Variants in KAZN observed in about 807,000 individuals in gnomAD.
The protein encoded by KAZN is kazrin, periplakin interacting protein, also known as kazrin.
Under a neutral mutation model 87.4 loss-of-function variants are expected in KAZN, and 40 were observed. That is an observed-to-expected ratio of 0.46 (90% CI 0.36 to 0.60). The LOEUF (loss-of-function observed/expected upper bound fraction) is 0.60, where lower values mean the gene tolerates loss of function less well. Ranked by LOEUF, KAZN falls within the 20% of genes least tolerant of loss-of-function variation. The pLI, the probability that KAZN is intolerant of heterozygous loss-of-function variation, is 0.00. For synonymous variants in KAZN, 466 were observed against 458.3 expected, an observed-to-expected ratio of 1.02 and a Z score of -0.22; for missense variants, 898 against 1,073.9, an observed-to-expected ratio of 0.84 and a Z score of 2.29.
intron 4 of KAZN, among the ~76,000 whole-genome samples, chr1:15,053,101 C>A (rs1674587551): frequency 6.6e-6 from 1 of 152,166 alleles, no homozygotes; most frequent in African/African-American, 2.4e-5. Context: ...GGCAGACCAG[C>A]CTGGGTGCTT....
chr1:13,917,658 G>T (rs1014248713), intron 1 of KAZN, among the ~76,000 whole-genome samples: 12 of 151,860 alleles, frequency 7.9e-5, no homozygotes, highest in Non-Finnish European at 1.8e-4. Flanking sequence ...AATTAGCTGG[G>T]TGTAGTGATG....
At chr1:14,582,799 A>G (rs1321279300) in intron 2 of KAZN, among the ~76,000 whole-genome samples, 2 of 152,234 alleles carry the variant, frequency 1.3e-5, no homozygotes, top group Admixed American at 6.5e-5. Context: ...ATGGATCTTT[A>G]TTATGTGAAG....
intron 2 of KAZN, among the ~76,000 whole-genome samples, chr1:14,542,677 T>C (rs1672885624): frequency 6.6e-6 from 1 of 152,176 alleles, no homozygotes; most frequent in Non-Finnish European, 1.5e-5. Context: ...TAGTATCGGA[T>C]AGGTAGCTTT....
At chr1:14,419,719 A>T (rs756177700) in intron 2 of KAZN, among the ~76,000 whole-genome samples, 1 of 151,992 alleles carries the variant, frequency 6.6e-6, no homozygotes, top group Non-Finnish European at 1.5e-5. Flanking sequence ...GTGAAGCCGC[A>T]GACCTCCGCG....
intron 2 of KAZN, among the ~76,000 whole-genome samples, chr1:14,535,083 A>G (rs2148486608): frequency 6.6e-6 from 1 of 151,816 alleles, no homozygotes; most frequent in Non-Finnish European, 1.5e-5. Flanking sequence ...CCTCTCTGGG[A>G]CTTCCCATTG....
chr1:14,147,148 AT>A (rs1300663644), intron 1 of KAZN, among the ~76,000 whole-genome samples: 15 of 152,206 alleles, frequency 9.9e-5, no homozygotes, highest in African/African-American at 3.6e-4. Flanking sequence ...ATAACACAAA[AT>A]ATGTGTTAAT....
intron 8 of KAZN, among the ~76,000 whole-genome samples, chr1:15,080,612 C>A (rs561505999): frequency 6.6e-6 from 1 of 152,364 alleles, no homozygotes; most frequent in East Asian, 1.9e-4. Context: ...AAAGCATCTA[C>A]ATCCAACAGG....
intron 1 of KAZN, among the ~76,000 whole-genome samples, chr1:14,914,534 A>G (rs773869307): frequency 2.6e-5 from 4 of 152,142 alleles, no homozygotes; most frequent in Non-Finnish European, 4.4e-5. Flanking sequence ...TCTAGGAGAG[A>G]TGGGCACTTT....
At chr1:14,266,952 A>G (rs1651526227) in intron 2 of KAZN, among the ~76,000 whole-genome samples, 1 of 151,946 alleles carries the variant, frequency 6.6e-6, no homozygotes, top group Non-Finnish European at 1.5e-5. Flanking sequence ...TTTGCTACAT[A>G]TGTATACTTT....
chr1:14,410,213 T>C (rs1380585542), intron 2 of KAZN, among the ~76,000 whole-genome samples: 1 of 152,164 alleles, frequency 6.6e-6, no homozygotes, highest in African/African-American at 2.4e-5. Context: ...AAACAATTCT[T>C]GTGCCTCAAC....
At chr1:14,697,277 C>A (rs1255785150) in intron 1 of KAZN, among the ~76,000 whole-genome samples, 5 of 151,868 alleles carry the variant, frequency 3.3e-5, no homozygotes, top group Admixed American at 6.6e-5. Context: ...CTACAGTGAG[C>A]CATGATCACA....
At chr1:14,173,543 A>C (rs529297332) in intron 1 of KAZN, among the ~76,000 whole-genome samples, 2 of 152,180 alleles carry the variant, frequency 1.3e-5, no homozygotes, top group Non-Finnish European at 2.9e-5. Context: ...AAGCAGATTG[A>C]ATCCCAGGAC....
chr1:14,223,429 C>A (rs1647152872), intron 2 of KAZN, among the ~76,000 whole-genome samples: 1 of 152,166 alleles, frequency 6.6e-6, no homozygotes. Flanking sequence ...GCTGTACAAA[C>A]CCTGTCATCA....
At chr1:14,971,744 C>T (rs1364974467) in intron 2 of KAZN, among the ~76,000 whole-genome samples, 2 of 145,460 alleles carry the variant, frequency 1.4e-5, no homozygotes, top group East Asian at 2.1e-4. Flanking sequence ...TGCAGTGGCG[C>T]GATCTCTGCT....
At chr1:14,791,366 C>T (rs1645669109) in intron 1 of KAZN, among the ~76,000 whole-genome samples, 1 of 152,210 alleles carries the variant, frequency 6.6e-6, no homozygotes, top group Non-Finnish European at 1.5e-5. Context: ...CTTCTTCTGT[C>T]CTGAAATGTC....
At chr1:14,678,438 C>T (rs1258905833) in intron 1 of KAZN, among the ~76,000 whole-genome samples, 2 of 152,204 alleles carry the variant, frequency 1.3e-5, no homozygotes, top group African/African-American at 4.8e-5. Context: ...TGTTGACTTC[C>T]CTACTTTTGA....
chr1:14,497,774 T>C (rs1018381791), intron 2 of KAZN, among the ~76,000 whole-genome samples: 3 of 152,006 alleles, frequency 2.0e-5, no homozygotes, highest in Admixed American at 6.6e-5. Context: ...ATATTGACTA[T>C]TGCTTGGCCC....
chr1:14,745,194 A>G (rs1644227224), intron 1 of KAZN, among the ~76,000 whole-genome samples: 1 of 151,854 alleles, frequency 6.6e-6, no homozygotes, highest in Non-Finnish European at 1.5e-5. Context: ...ACCTGGGAGT[A>G]TACAGCGCCA....
chr1:14,633,050 G>A (rs1679692338), intron 1 of KAZN, among the ~76,000 whole-genome samples: 1 of 152,016 alleles, frequency 6.6e-6, no homozygotes, highest in African/African-American at 2.4e-5. Context: ...CTGACTAGCT[G>A]GTATTACAGG....
Sources: gnomAD v4.1 joint callset for allele counts (sites outside exome capture counted in the v4.1 genomes callset) on GRCh38, gnomAD v4.1.1 for gene constraint, MANE v1.5 for transcripts, NCBI Gene and HGNC (gene_info 2026-07-23, HGNC 2026-07-21) for gene names.